The following PHF20 variants were observed in gnomAD, a reference collection of about 807,000 sequenced individuals.
PHF20 encodes glioma-expressed antigen 2.
PHF20 carries 23 observed loss-of-function variants against 113.5 expected under a neutral mutation model. The observed-to-expected ratio is 0.20, with a 90% CI of 0.15 to 0.29. The LOEUF (loss-of-function observed/expected upper bound fraction) is 0.29. Ranked by LOEUF, PHF20 falls within the 10% of genes least tolerant of loss-of-function variation. The probability of loss-of-function intolerance (pLI) is 1.00; values close to 1 mark genes in which losing one functional copy is unlikely to be tolerated. For synonymous variants in PHF20, 434 were observed against 457.3 expected, an observed-to-expected ratio of 0.95 and a Z score of 0.65; for missense variants, 943 against 1,219.6, an observed-to-expected ratio of 0.77 and a Z score of 3.38.
intron 9 of PHF20, among the ~76,000 whole-genome samples, chr20:35,875,619 A>G (rs1045922308): frequency 1.3e-5 from 2 of 152,088 alleles, no homozygotes; most frequent in Admixed American, 6.6e-5. Context: ...GCAAATTACT[A>G]AAGTTCATAT....
intron 9 of PHF20, among the ~76,000 whole-genome samples, chr20:35,876,536 A>G (rs1450510780): frequency 6.6e-6 from 1 of 152,082 alleles, no homozygotes; most frequent in Non-Finnish European, 1.5e-5. Context: ...GCGCCCCTGC[A>G]CCCAGCTTAG....
intron 2 of PHF20, among the ~76,000 whole-genome samples, chr20:35,827,784 G>GAAAAAAA (rs568505287): frequency 1.4e-5 from 1 of 70,818 alleles, no homozygotes. Context: ...CTCCATCTCA[G>GAAAAAAA]AAAAAAAAAA....
At chr20:35,909,892 C>T (rs1480194273) in intron 10 of PHF20, among the ~76,000 whole-genome samples, 2 of 152,130 alleles carry the variant, frequency 1.3e-5, no homozygotes, top group Non-Finnish European at 2.9e-5. Flanking sequence ...CTTTTAAATA[C>T]CTATGTGATG....
intron 13 of PHF20, among the ~76,000 whole-genome samples, chr20:35,919,078 C>T (rs531032216): frequency 1.8e-4 from 28 of 152,052 alleles, no homozygotes; most frequent in South Asian, 1.2e-3. Context: ...TGCAATGGCG[C>T]GATTTCGGCT....
At chr20:35,856,268 T>G (rs1568659093) in intron 4 of PHF20, 1 of 152,216 alleles carries the variant, frequency 6.6e-6, no homozygotes, top group African/African-American at 2.4e-5. Context: ...TGACAAATAA[T>G]CACCTTTATT....
chr20:35,948,924 A>C lies in PHF20; in HGVS notation c.*1297A>C, dbSNP rs1293838435. On this transcript the variant is annotated 3_prime_UTR_variant, in exon 18 of 18. Coordinates refer to ENST00000374012, the MANE Select transcript of PHF20 (RefSeq NM_016436.5). ...ATGAGTCTGTAATGTTATATGCTGC[A>C]AACATTTACTATGTAAACGTGAAGT... is the stretch of plus-strand genomic sequence containing the variant. 1 of 152,700 alleles carries C rather than the reference A, an allele frequency of 6.5e-6. No homozygotes were observed. Among genetic ancestry groups the C allele is most frequent in the Non-Finnish European group, 1.5e-5 (1 of 68,048 alleles). 9.5% of individuals were successfully genotyped at this position (152,700 alleles called of 1,614,324 possible).
At chr20:35,775,518 A>T (rs780042065) in intron 1 of PHF20, among the ~76,000 whole-genome samples, 1 of 152,012 alleles carries the variant, frequency 6.6e-6, no homozygotes, top group South Asian at 2.1e-4. Context: ...GCACTTTGGG[A>T]GCTGAGGCGG....
At chr20:35,793,607 C>T (rs1180916096) in intron 1 of PHF20, among the ~76,000 whole-genome samples, 2 of 151,392 alleles carry the variant, frequency 1.3e-5, no homozygotes, top group African/African-American at 4.9e-5. Flanking sequence ...TCTTGAGAGT[C>T]CTTTCTAACA....
chr20:35,945,014 G>A (rs1163217806), intron 17 of PHF20, among the ~76,000 whole-genome samples: 2 of 152,076 alleles, frequency 1.3e-5, no homozygotes, highest in African/African-American at 4.8e-5. Flanking sequence ...TTTACTAATG[G>A]TTTTCAAGCT....
intron 6 of PHF20, among the ~76,000 whole-genome samples, chr20:35,869,038 C>T (rs1339392408): frequency 6.6e-6 from 1 of 151,818 alleles, no homozygotes; most frequent in Non-Finnish European, 1.5e-5. Flanking sequence ...TTGCAGTGAG[C>T]AGAGATCGCG....
chr20:35,817,335 T>C (rs2042093948), intron 2 of PHF20, among the ~76,000 whole-genome samples: 1 of 151,926 alleles, frequency 6.6e-6, no homozygotes, highest in African/African-American at 2.4e-5. Flanking sequence ...TACGGGCCCC[T>C]GCCACGGCGC....
At chr20:35,832,402 A>T (rs1473875653) in intron 2 of PHF20, among the ~76,000 whole-genome samples, 3 of 152,220 alleles carry the variant, frequency 2.0e-5, no homozygotes, top group Non-Finnish European at 4.4e-5. Flanking sequence ...TACTGTAGTA[A>T]GTAAGAGACA....
chr20:35,842,149 C>T (rs1012115094), intron 2 of PHF20, among the ~76,000 whole-genome samples: 4 of 152,094 alleles, frequency 2.6e-5, no homozygotes, highest in Admixed American at 6.6e-5. Flanking sequence ...AGTTCGAGAC[C>T]AGCCTGGCCA....
In PHF20 at chr20:35,943,658, T is replaced by C. The variant is rs1321080856; in HGVS notation, c.2896+2611T>C. Among the ~76,000 whole-genome samples, 3 of 152,172 alleles carry C rather than the reference T, an allele frequency of 2.0e-5. No homozygotes were observed. In the East Asian group the frequency reaches 5.8e-4, roughly 29 times the overall value. On this transcript the variant is annotated intron_variant, in intron 17 of 17. Coordinates refer to ENST00000374012, the MANE Select transcript of PHF20 (RefSeq NM_016436.5). ...ATTTTTGAGACGGAGTCTCGGTCTG[T>C]TGCCCAGGCTGGAGTGCAGTGGCAC...
At chr20:35,934,892 C>T (rs1568793193) in intron 15 of PHF20, among the ~76,000 whole-genome samples, 3 of 152,112 alleles carry the variant, frequency 2.0e-5, no homozygotes, top group Non-Finnish European at 4.4e-5. Flanking sequence ...AACGTAACCC[C>T]ATGTAAACCA....
At chr20:35,775,257 C>T (rs1347777483) in intron 1 of PHF20, among the ~76,000 whole-genome samples, 2 of 152,114 alleles carry the variant, frequency 1.3e-5, no homozygotes, top group East Asian at 3.8e-4. Context: ...GCAGGTGATG[C>T]TGATGTTACT....
At chr20:35,863,642 C>T (rs2054259812) in intron 6 of PHF20, among the ~76,000 whole-genome samples, 1 of 152,198 alleles carries the variant, frequency 6.6e-6, no homozygotes, top group African/African-American at 2.4e-5. Context: ...TAACTGTTGA[C>T]TAGATACTTC....
At chr20:35,773,944 C>T (rs563805579) in intron 1 of PHF20, among the ~76,000 whole-genome samples, 1 of 152,172 alleles carries the variant, frequency 6.6e-6, no homozygotes, top group East Asian at 1.9e-4. Context: ...TAAACTTCTT[C>T]CCTATATTGG....
At chr20:35,846,902 G>A (rs1186753237) in intron 3 of PHF20, among the ~76,000 whole-genome samples, 1 of 152,122 alleles carries the variant, frequency 6.6e-6, no homozygotes, top group Non-Finnish European at 1.5e-5. Context: ...ACTGGCTTCT[G>A]GCATCAGCTT....
Sources: gnomAD v4.1 joint callset for allele counts (sites outside exome capture counted in the v4.1 genomes callset) on GRCh38, gnomAD v4.1.1 for gene constraint, MANE v1.5 for transcripts, NCBI Gene and HGNC (gene_info 2026-07-23, HGNC 2026-07-21) for gene names.